Variants in SHISA5 observed in about 807,000 individuals in gnomAD.
SHISA5 encodes shisa family member 5.
SHISA5 carries 21 observed loss-of-function variants against 27.5 expected under a neutral mutation model. The observed-to-expected ratio is 0.76, with a 90% CI of 0.54 to 1.10. The LOEUF is 1.10. Among genes scored for constraint, SHISA5 ranks in the 50% least tolerant of loss-of-function variants. The pLI is 0.00. For synonymous variants in SHISA5, 137 were observed against 142.2 expected, an observed-to-expected ratio of 0.96 and a Z score of 0.26; for missense variants, 314 against 336.3, an observed-to-expected ratio of 0.93 and a Z score of 0.52.
chr3:48,489,796 TA>T (rs1160530717), intron 2 of SHISA5, among the ~76,000 whole-genome samples: 142 of 143,220 alleles, frequency 9.9e-4, no homozygotes, highest in Non-Finnish European at 7.5e-4. Flanking sequence ...CCCAGCTAAC[TA>T]AAAAAAAAAA....
chr3:48,487,024 T>A (rs1018992951), intron 2 of SHISA5, among the ~76,000 whole-genome samples: 2 of 151,582 alleles, frequency 1.3e-5, no homozygotes, highest in African/African-American at 4.9e-5. Context: ...GTTGGAAGGA[T>A]TGCTTAAGCC....
intron 2 of SHISA5, among the ~76,000 whole-genome samples, chr3:48,496,340 T>G (rs1376689777): frequency 6.6e-6 from 1 of 151,294 alleles, no homozygotes; most frequent in Non-Finnish European, 1.5e-5. Context: ...ATGCCTGTAA[T>G]CCCAGCACTT....
chr3:48,479,190 C>T lies in SHISA5; in HGVS notation c.301G>A (p.Asp101Asn), dbSNP rs371398661. Reference sequence around the variant, plus strand: ...GGCTTTACTTACCCTGACATGGGGTCGTTGTAGCCAGGGCGAAACCTCAGC... The same window carrying T: ...GGCTTTACTTACCCTGACATGGGGTTGTTGTAGCCAGGGCGAAACCTCAGC... ...SALRFRPGYN[D>N]PMSGFGATLA... The change falls in exon 3 of 6, where the codon GAC (aspartate) becomes AAC (asparagine). Residue 101 changes from aspartate (D) to asparagine (N), a missense_variant. Coordinates refer to ENST00000296444, the MANE Select transcript of SHISA5 (RefSeq NM_016479.6). 100 of 1,609,862 alleles carry T rather than the reference C, an allele frequency of 6.2e-5. No individual in the cohort carries two copies. The highest frequency in any genetic ancestry group is 5.8e-4 in the South Asian group (52 of 90,220).
intron 2 of SHISA5, among the ~76,000 whole-genome samples, chr3:48,486,516 CAA>C (rs1479248468): frequency 2.9e-4 from 29 of 101,754 alleles, no homozygotes; most frequent in Non-Finnish European, 4.9e-4. Context: ...ATATAATATA[CAA>C]TATATATAAT....
At chr3:48,492,241 C>T (rs373671483) in intron 2 of SHISA5, among the ~76,000 whole-genome samples, 2 of 140,980 alleles carry the variant, frequency 1.4e-5, no homozygotes, top group African/African-American at 5.2e-5. Flanking sequence ...GAGGCCGAGG[C>T]GGGCGGATCA....
Position 48,470,806 on chromosome 3 carries a change from A to G in SHISA5, c.315-963T>C, listed in dbSNP as rs977619229. Among the ~76,000 whole-genome samples the G allele has an allele frequency of 3.3e-5, 5 of 152,110 alleles. No homozygotes were observed. Among genetic ancestry groups the G allele is most frequent in the African/African-American group, 9.7e-5 (4 of 41,438 alleles). On this transcript the variant is annotated intron_variant, in intron 3 of 5. Transcript: ENST00000296444. This position sits in a 1 kb window ranked among gnomAD's most constrained non-coding sequence, Gnocchi z 4.3. The stretch of plus-strand genomic sequence containing the variant: ...GTCGGGCACGGTGGCGGGTGCCTGT[A>G]ATCCCAGCTACTTGGGAGGCTGAGG...
intron 2 of SHISA5, among the ~76,000 whole-genome samples, chr3:48,499,292 A>G (rs2041679534): frequency 6.6e-6 from 1 of 152,124 alleles, no homozygotes; most frequent in African/African-American, 2.4e-5. Flanking sequence ...CTCCTACCTC[A>G]GCTTCCCAAA....
intron 1 of SHISA5, 28 bp downstream of exon 1, chr3:48,503,991 G>A (rs1472964368): frequency 6.9e-7 from 1 of 1,458,024 alleles, no homozygotes; most frequent in Non-Finnish European, 9.1e-7. Context: ...TCCCAGGGCA[G>A]GACGGGCCGC....
chr3:48,473,308 G>A lies in SHISA5; in HGVS notation c.315-3465C>T. On this transcript the variant is annotated intron_variant, in intron 3 of 5. Transcript: ENST00000296444. The surrounding 1 kb of genome is among the most constrained non-coding windows in gnomAD (Gnocchi z 4.3). ...TCCCAGAGCTGCCTCCCTGAGCCAA[G>A]CCTACAGGGCCTGACCTCAGAATGC... is the stretch of plus-strand genomic sequence containing the variant. 1 of 1,379,014 alleles carries A rather than the reference G, an allele frequency of 7.3e-7. No homozygotes were observed. The highest frequency in any genetic ancestry group is 2.0e-4 in the Middle Eastern group (1 of 5,102). 85.4% of individuals were successfully genotyped at this position (1,379,014 alleles called of 1,614,324 possible).
intron 3 of SHISA5, chr3:48,477,102 G>GAA: frequency 2.6e-6 from 1 of 383,420 alleles, no homozygotes; most frequent in East Asian, 8.6e-5. Flanking sequence ...CTATAACATT[G>GAA]AGAAAAAAAA....
At position 48,473,872 on chromosome 3, in the gene SHISA5, G is replaced by A. The variant is rs2040729216; in HGVS notation, c.315-4029C>T. Among the ~76,000 whole-genome samples, 1 of 151,896 alleles carries A rather than the reference G, an allele frequency of 6.6e-6. No homozygotes were observed. Among genetic ancestry groups the A allele is most frequent in the African/African-American group, 2.4e-5 (1 of 41,340 alleles). ...GCCCAGGAGTTCGAGACCAGCCTGG[G>A]CAACATGGCAAAACTCCTTCTTTAC... On this transcript the variant is annotated intron_variant, in intron 3 of 5. Transcript: ENST00000296444. The surrounding 1 kb of genome is among the most constrained non-coding windows in gnomAD (Gnocchi z 4.3).
At chr3:48,503,901 A>C in intron 1 of SHISA5, 118 bp downstream of exon 1, 1 of 1,332,012 alleles carries the variant, frequency 7.5e-7, no homozygotes, top group East Asian at 3.1e-5. Context: ...CCTCGGGGCA[A>C]TCAGGGGTCA....
At chr3:48,482,365 A>G (rs914006957) in intron 2 of SHISA5, among the ~76,000 whole-genome samples, 11 of 152,028 alleles carry the variant, frequency 7.2e-5, no homozygotes. Flanking sequence ...TGATCACGCC[A>G]CTGCACTCCA....
chr3:48,501,352 A>T, intron 1 of SHISA5, 59 bp from the exon 2 acceptor site: 1 of 1,574,306 alleles, frequency 6.4e-7, no homozygotes. Context: ...CAGCAGACAC[A>T]GCGCCCTCCC....
chr3:48,483,740 G>A (rs1350633574), intron 2 of SHISA5, among the ~76,000 whole-genome samples: 1 of 150,330 alleles, frequency 6.7e-6, no homozygotes, highest in African/African-American at 2.4e-5. Context: ...CCTCCCTCCC[G>A]GACGGGGCGG....
At chr3:48,485,324 C>T (rs1401986333) in intron 2 of SHISA5, among the ~76,000 whole-genome samples, 2 of 151,746 alleles carry the variant, frequency 1.3e-5, no homozygotes, top group East Asian at 1.9e-4. Flanking sequence ...GGAGAAACCC[C>T]GTCTCTACTA....
At chr3:48,472,697 C>G (rs543308905) in intron 3 of SHISA5, among the ~76,000 whole-genome samples, 2 of 152,176 alleles carry the variant, frequency 1.3e-5, no homozygotes, top group Middle Eastern at 3.4e-3. Flanking sequence ...CACCCTACCC[C>G]GCCCTGGGAC....
chr3:48,473,291 C>A lies in SHISA5; in HGVS notation c.315-3448G>T. The A allele has an allele frequency of 1.4e-6, 2 of 1,390,126 alleles. No homozygotes were observed. The highest frequency in any genetic ancestry group is 1.9e-6 in the Non-Finnish European group (2 of 1,066,590). 86.1% of individuals were successfully genotyped at this position (1,390,126 alleles called of 1,614,324 possible). On this transcript the variant is annotated intron_variant, in intron 3 of 5. Transcript: ENST00000296444. The surrounding 1 kb of genome is among the most constrained non-coding windows in gnomAD (Gnocchi z 4.3). ...GAGGTGCCCCATTTGCCTCCCAGAG[C>A]TGCCTCCCTGAGCCAAGCCTACAGG...
intron 2 of SHISA5, among the ~76,000 whole-genome samples, chr3:48,486,321 C>T (rs1377083356): frequency 2.8e-4 from 3 of 10,624 alleles, no homozygotes; most frequent in African/African-American, 1.8e-3. Context: ...ATATATAATA[C>T]ATTATGTTAT....
Sources: allele counts gnomAD v4.1 joint callset (sites outside exome capture counted in the v4.1 genomes callset), GRCh38; gene constraint gnomAD v4.1.1; non-coding constraint Gnocchi (gnomAD v3.1); transcripts MANE v1.5; gene names NCBI Gene and HGNC (gene_info 2026-07-23, HGNC 2026-07-21).